HPS1: variants seen among roughly 807,000 people sequenced by gnomAD.
HPS1 encodes HPS1 biogenesis of lysosomal organelles complex 3 subunit 1, also known as BLOC-3 complex member HPS1.
In HPS1, 59 loss-of-function variants were observed where a neutral mutation model predicts 90.6. The ratio of observed to expected loss-of-function variants is 0.65; its 90% CI spans 0.53 to 0.81. The LOEUF (loss-of-function observed/expected upper bound fraction) is 0.81. Ranked by LOEUF, HPS1 falls within the 30% of genes least tolerant of loss-of-function variation. The pLI, the probability that HPS1 is intolerant of heterozygous loss-of-function variation, is 0.00. For missense variants in HPS1, 849 were observed against 896.7 expected (o/e 0.95, Z 0.68); for synonymous variants, 388 against 384.4 (o/e 1.01, Z -0.11).
chr10:98,427,133 G>A (rs951973329), intron 11 of HPS1, 82 bp downstream of exon 11: 23 of 1,199,344 alleles, frequency 1.9e-5, no homozygotes, highest in Non-Finnish European at 2.7e-5. Flanking sequence ...AGTCACCCTG[G>A]AGGCGAAACC....
At chr10:98,419,844 C>T (rs747929357) in intron 18 of HPS1, among the ~76,000 whole-genome samples, 1 of 152,256 alleles carries the variant, frequency 6.6e-6, no homozygotes, top group African/African-American at 2.4e-5. Context: ...TGCCAGACAG[C>T]TGGGCAGAGG....
chr10:98,415,712 G>A (rs575625049), downstream of HPS1, among the ~76,000 whole-genome samples: 78 of 152,354 alleles, frequency 5.1e-4, no homozygotes, highest in African/African-American at 1.6e-3. Context: ...TTCAGACACC[G>A]CAGAGGCAGC....
chr10:98,421,932 C>A (rs1424199018), intron 17 of HPS1, among the ~76,000 whole-genome samples: 2 of 151,494 alleles, frequency 1.3e-5, no homozygotes, highest in South Asian at 2.1e-4. Flanking sequence ...ATACACTTTA[C>A]TTGCCTCCCC....
chr10:98,446,265 CAG>C (rs1181566740), intron 1 of HPS1, among the ~76,000 whole-genome samples: 2 of 152,218 alleles, frequency 1.3e-5, no homozygotes, highest in African/African-American at 2.4e-5. Flanking sequence ...ATTCCCGAAA[CAG>C]GGGGATGCTT....
chr10:98,436,229 GA>G (rs994313642), intron 3 of HPS1, among the ~76,000 whole-genome samples: 3 of 151,534 alleles, frequency 2.0e-5, no homozygotes, highest in African/African-American at 4.9e-5. Flanking sequence ...CAAACAACTG[GA>G]AAAAAAATGT....
At chr10:98,434,505 G>A (rs1447111681) in intron 5 of HPS1, among the ~76,000 whole-genome samples, 2 of 150,632 alleles carry the variant, frequency 1.3e-5, no homozygotes, top group Non-Finnish European at 3.0e-5. Context: ...TCATGTAACA[G>A]GCATCTGCCA....
At chr10:98,430,082 G>A (rs989964148) in intron 8 of HPS1, among the ~76,000 whole-genome samples, 193 bp from the exon 9 acceptor site, 4 of 152,216 alleles carry the variant, frequency 2.6e-5, no homozygotes, top group Non-Finnish European at 5.9e-5. Flanking sequence ...GGAAATTCGA[G>A]AAATTCCAAC....
chr10:98,429,853 G>A lies in HPS1; in HGVS notation c.805C>T (p.Pro269Ser). 1 of 1,613,378 alleles carries A rather than the reference G, an allele frequency of 6.2e-7. No individual in the cohort carries two copies. ...PRRARSSQNI[P>S]VQQAWSPHST... Reference sequence around the variant, plus strand: ...TGAGGGCTCCAGGCCTGCTGCACGGGGATGTTCTGGCTGCTCCGGGCCCTC... The same window carrying A: ...TGAGGGCTCCAGGCCTGCTGCACGGAGATGTTCTGGCTGCTCCGGGCCCTC... Residue 269 changes from proline (P) to serine (S), a missense_variant, in exon 9 of 20, where the codon CCC becomes TCC. Transcript: ENST00000361490.
chr10:98,435,477 C>T lies in HPS1; in HGVS notation c.256-63G>A. 1 of 1,612,654 alleles carries T rather than the reference C, an allele frequency of 6.2e-7. No homozygotes were observed. Among genetic ancestry groups the T allele is most frequent in the Non-Finnish European group, 8.5e-7 (1 of 1,179,128 alleles). On this transcript the variant is annotated intron_variant, in intron 4 of 19. Transcript: ENST00000361490. The surrounding 1 kb of genome is among the most constrained non-coding windows in gnomAD (Gnocchi z 4.3). ...GGGCACTCCCTTCACCTGCCCTGGT[C>T]TCTGCAGACAAGCCAGGGGAGGCTC...
At chr10:98,440,072 G>A (rs1396664753) in intron 3 of HPS1, among the ~76,000 whole-genome samples, 1 of 152,168 alleles carries the variant, frequency 6.6e-6, no homozygotes, top group East Asian at 1.9e-4. Context: ...GGCCTCCACA[G>A]CCTTCTGAAC....
At chr10:98,430,198 G>C (rs1482125725) in intron 8 of HPS1, among the ~76,000 whole-genome samples, 3 of 152,228 alleles carry the variant, frequency 2.0e-5, no homozygotes, top group African/African-American at 7.2e-5. Flanking sequence ...GCCAGGTTCT[G>C]TGGGAACCAC....
In HPS1 at chr10:98,418,215, C is replaced by T. The variant is rs1844367598; in HGVS notation, c.1900G>A (p.Asp634Asn). 5.0e-6 allele frequency: 8 copies of T among 1,610,660 alleles called. No homozygotes were observed. Among genetic ancestry groups the T allele is most frequent in the South Asian group, 1.1e-5 (1 of 90,598 alleles). The change falls in exon 19 of 20, where the codon GAC becomes AAC. Residue 634 changes from aspartate to asparagine, a missense_variant. Coordinates refer to ENST00000361490, the MANE Select transcript of HPS1 (RefSeq NM_000195.5). ...CCCAGCATGCCGATAGGCACTGAGT[C>T]GTCGGAGAGGACGGGCACCTCGATC... is the stretch of plus-strand genomic sequence containing the variant. ...QMIEVPVLSD[D>N]SVPIGMLGGD...
At chr10:98,430,532 C>T in intron 8 of HPS1, 39 bp downstream of exon 8, 1 of 1,494,436 alleles carries the variant, frequency 6.7e-7, no homozygotes, top group Non-Finnish European at 9.1e-7. Context: ...GAACTACCTC[C>T]CTAATGGCCT....
downstream of HPS1, among the ~76,000 whole-genome samples, chr10:98,415,891 A>G (rs1844042728): frequency 6.6e-6 from 1 of 152,174 alleles, no homozygotes; most frequent in South Asian, 2.1e-4. Flanking sequence ...AGAATCCCCA[A>G]GGATTCGAGG....
Position 98,417,805 on chromosome 10 carries a change from G to T in HPS1, c.1941-79C>A, listed in dbSNP as rs897002553. The T allele has an allele frequency of 1.5e-6, 2 of 1,343,984 alleles. No individual in the cohort carries two copies. Among genetic ancestry groups the T allele is most frequent in the South Asian group, 1.2e-5 (1 of 83,520 alleles). 83.3% of individuals were successfully genotyped at this position (1,343,984 alleles called of 1,614,324 possible). ...GCGCCAGAGGCCTCTCTGGGCCCTC[G>T]CAAGCAAATGCCCATGCCCTCGGTC... On this transcript the variant is annotated intron_variant, in intron 19 of 19. Coordinates refer to ENST00000361490, the MANE Select transcript of HPS1 (RefSeq NM_000195.5). This position sits in a 1 kb window ranked among gnomAD's most constrained non-coding sequence, Gnocchi z 4.2.
At position 98,425,867 on chromosome 10, in the gene HPS1, A is replaced by G. The variant is rs142362321; in HGVS notation, c.1106T>C (p.Met369Thr). ...ESYCPLVPHT[M>T]YCLPLWQGIN... ...GCCCTGCCACAGGGGCAGGCAGTAC[A>G]TGGTGTGGGGCACTAGGGGGCAGTA... is the stretch of plus-strand genomic sequence containing the variant. Residue 369 changes from methionine (M) to threonine (T), a missense_variant, in exon 12 of 20, where the codon ATG becomes ACG. By Grantham distance (81) the Met-to-Thr change is moderately conservative (BLOSUM62 -1). Coordinates refer to ENST00000361490, the MANE Select transcript of HPS1 (RefSeq NM_000195.5). 1.2e-6 allele frequency: 2 copies of G among 1,614,088 alleles called. No homozygotes were observed. The highest frequency in any genetic ancestry group is 1.7e-6 in the Non-Finnish European group (2 of 1,180,006).
chr10:98,434,078 C>T lies in HPS1; in HGVS notation c.412G>A (p.Asp138Asn). 1 of 1,550,134 alleles carries T rather than the reference C, an allele frequency of 6.5e-7. No homozygotes were observed. Among genetic ancestry groups the T allele is most frequent in the Non-Finnish European group, 8.7e-7 (1 of 1,147,088 alleles). Reference protein sequence around the residue: ...HLIRKELRPPDLAQRVQLWEH... With the variant: ...HLIRKELRPPNLAQRVQLWEH... ...CACAGCTGGACACGCTGCGCCAGGT[C>T]TGGGGGCCGCAGCCTGGGGGCAGAG... Residue 138 changes from aspartate to asparagine, a missense_variant, in exon 6 of 20, where the codon GAC becomes AAC. By Grantham distance (23) the Asp-to-Asn change is conservative. Coordinates refer to ENST00000361490, the MANE Select transcript of HPS1 (RefSeq NM_000195.5).
intron 13 of HPS1, among the ~76,000 whole-genome samples, chr10:98,424,761 A>G (rs527257660): frequency 3.3e-5 from 5 of 151,972 alleles, no homozygotes; most frequent in African/African-American, 9.7e-5. Flanking sequence ...GTAGCCATGC[A>G]GGGGGCGGCC....
intron 11 of HPS1, 73 bp from the exon 12 acceptor site, chr10:98,426,058 G>A: frequency 2.3e-6 from 3 of 1,297,602 alleles, no homozygotes; most frequent in East Asian, 2.3e-5. Context: ...CCCTATCTGT[G>A]AACCACAAGA....
Sources: allele counts gnomAD v4.1 joint callset (sites outside exome capture counted in the v4.1 genomes callset), GRCh38; gene constraint gnomAD v4.1.1; non-coding constraint Gnocchi (gnomAD v3.1); transcripts MANE v1.5; gene names NCBI Gene and HGNC (gene_info 2026-07-23, HGNC 2026-07-21).